CPNE4: variants seen among roughly 807,000 people sequenced by gnomAD.
CPNE4 encodes the protein copine 4, also known as copine-4.
In CPNE4, 25 loss-of-function variants were observed where a neutral mutation model predicts 67.9. The ratio of observed to expected loss-of-function variants is 0.37; its 90% CI spans 0.27 to 0.51. CPNE4 has a LOEUF of 0.51. CPNE4 is among the 20% of genes least tolerant of loss of function. The pLI is 0.93. For missense variants in CPNE4, 464 were observed against 690.8 expected (o/e 0.67, Z 3.68); for synonymous variants, 242 against 244.9 (o/e 0.99, Z 0.11).
chr3:131,953,246 A>ATAAT, intron 1 of CPNE4, among the ~76,000 whole-genome samples: 1 of 65,042 alleles, frequency 1.5e-5, no homozygotes, highest in African/African-American at 4.2e-5. Context: ...AATTAAAAAA[A>ATAAT]AAAAAAAAAA....
chr3:131,864,172 T>A (rs953456721), intron 2 of CPNE4, among the ~76,000 whole-genome samples: 2 of 151,290 alleles, frequency 1.3e-5, no homozygotes. Flanking sequence ...TGGCTTAGGC[T>A]TGACTTGGCA....
intron 1 of CPNE4, among the ~76,000 whole-genome samples, chr3:132,013,298 A>G (rs1269875965): frequency 6.6e-6 from 1 of 152,052 alleles, no homozygotes; most frequent in Non-Finnish European, 1.5e-5. Flanking sequence ...AACCTGAATA[A>G]CCGGAAGTTT....
chr3:132,033,912 T>TCCCGTCCCCTGTC (rs1289806953), intron 1 of CPNE4, among the ~76,000 whole-genome samples: 1 of 152,164 alleles, frequency 6.6e-6, no homozygotes, highest in African/African-American at 2.4e-5. Flanking sequence ...GTCCCTCCAG[T>TCCCGTCCCCTGTC]CCCGTCCCCT....
At chr3:131,977,105 ATCATTCTT>A (rs1341849369) in intron 1 of CPNE4, among the ~76,000 whole-genome samples, 1 of 152,084 alleles carries the variant, frequency 6.6e-6, no homozygotes. Flanking sequence ...CAGCCACATT[ATCATTCTT>A]AATAAACCCA....
At chr3:131,608,210 A>G (rs1939620459) in intron 7 of CPNE4, among the ~76,000 whole-genome samples, 1 of 152,228 alleles carries the variant, frequency 6.6e-6, no homozygotes, top group African/African-American at 2.4e-5. Context: ...TAATATGGAA[A>G]TGAAAATGAA....
intron 2 of CPNE4, among the ~76,000 whole-genome samples, chr3:131,743,064 A>C (rs1291577255): frequency 6.6e-6 from 1 of 152,186 alleles, no homozygotes; most frequent in Non-Finnish European, 1.5e-5. Context: ...TAAATTTAGG[A>C]GGTGGTTCTT....
At chr3:131,778,067 G>A (rs2083333649) in intron 2 of CPNE4, among the ~76,000 whole-genome samples, 1 of 152,086 alleles carries the variant, frequency 6.6e-6, no homozygotes. Flanking sequence ...TGCACAGGAA[G>A]CCTGCCTTGG....
At chr3:131,998,958 A>G (rs1472224331) in intron 1 of CPNE4, among the ~76,000 whole-genome samples, 4 of 152,042 alleles carry the variant, frequency 2.6e-5, no homozygotes, top group African/African-American at 9.7e-5. Flanking sequence ...ATGATGAGAA[A>G]TGCTATGCAG....
Position 131,581,642 on chromosome 3 carries a change from G to A in CPNE4, c.804C>T (p.Pro268=). 6.2e-7 allele frequency: 1 copy of A among 1,613,022 alleles called. No individual in the cohort carries two copies. The highest frequency in any genetic ancestry group is 2.2e-5 in the East Asian group (1 of 44,850). The change falls in exon 9 of 16, where the codon CCC becomes CCT. Residue 268 remains proline, a synonymous_variant. Transcript: ENST00000429747. The part of the protein sequence containing the change: ...GKQVQWECIN[P]KYKAKKKNYK... ...AATTCTTCTTCTTGGCTTTGTACTT[G>A]GGATTGATGCACTCCCACTGCACCT...
intron 2 of CPNE4, among the ~76,000 whole-genome samples, chr3:131,890,944 G>A (rs2088088607): frequency 6.6e-6 from 1 of 152,118 alleles, no homozygotes; most frequent in Non-Finnish European, 1.5e-5. Context: ...CAGGGATGAG[G>A]AGGGGGCATA....
At chr3:131,848,720 G>C (rs1014820769) in intron 2 of CPNE4, among the ~76,000 whole-genome samples, 3 of 149,924 alleles carry the variant, frequency 2.0e-5, no homozygotes, top group Non-Finnish European at 4.4e-5. Flanking sequence ...TGGTTCATCT[G>C]AACACAGGAG....
chr3:131,984,086 T>C (rs2072980362), intron 1 of CPNE4, among the ~76,000 whole-genome samples: 1 of 152,174 alleles, frequency 6.6e-6, no homozygotes, highest in South Asian at 2.1e-4. Context: ...CTTCAAAGCA[T>C]TGTTCCATGT....
intron 1 of CPNE4, among the ~76,000 whole-genome samples, chr3:131,927,688 A>C (rs1036149740): frequency 6.6e-6 from 1 of 152,228 alleles, no homozygotes; most frequent in South Asian, 2.1e-4. Context: ...TAAAACAATT[A>C]TCCAAATACA....
intron 1 of CPNE4, among the ~76,000 whole-genome samples, chr3:132,001,546 GAAA>G (rs139531164): frequency 0.02 from 1,992 of 99,544 alleles, 116 homozygotes; most frequent in African/African-American, 0.068. Flanking sequence ...AAGAGACAAA[GAAA>G]AAAGAGAAAG....
intron 2 of CPNE4, among the ~76,000 whole-genome samples, chr3:131,844,967 C>T (rs2085942118): frequency 6.6e-6 from 1 of 152,186 alleles, no homozygotes; most frequent in South Asian, 2.1e-4. Context: ...TCATCTGCTA[C>T]TTCCAGTTTA....
chr3:131,686,061 AT>A, intron 5 of CPNE4, 103 bp from the exon 6 acceptor site: 1 of 667,756 alleles, frequency 1.5e-6, no homozygotes, highest in Non-Finnish European at 2.6e-6. Context: ...TTGATTTCCT[AT>A]TTTTTATATG....
chr3:131,887,156 T>C (rs961989592), intron 2 of CPNE4, among the ~76,000 whole-genome samples: 4 of 152,204 alleles, frequency 2.6e-5, no homozygotes, highest in Non-Finnish European at 4.4e-5. Flanking sequence ...AATTAAATCA[T>C]GGGGACAGTT....
intron 2 of CPNE4, among the ~76,000 whole-genome samples, chr3:131,902,352 G>A (rs775931230): frequency 6.6e-6 from 1 of 152,000 alleles, no homozygotes; most frequent in African/African-American, 2.4e-5. Flanking sequence ...AAAATTATTT[G>A]ACAATATGTA....
chr3:131,879,246 T>C (rs547169343), intron 2 of CPNE4, among the ~76,000 whole-genome samples: 7 of 152,302 alleles, frequency 4.6e-5, no homozygotes, highest in Admixed American at 1.3e-4. Flanking sequence ...GAAATGAGCA[T>C]GGAACTCTAT....
Sources: gnomAD v4.1 joint callset for allele counts (sites outside exome capture counted in the v4.1 genomes callset) on GRCh38, gnomAD v4.1.1 for gene constraint, MANE v1.5 for transcripts, NCBI Gene and HGNC (gene_info 2026-07-23, HGNC 2026-07-21) for gene names.